RC3H2: variants seen among roughly 807,000 people sequenced by gnomAD.
RC3H2 encodes ring finger and CCCH-type domains 2, also known as roquin-2.
In RC3H2, 31 loss-of-function variants were observed where a neutral mutation model predicts 133.3. The ratio of observed to expected loss-of-function variants is 0.23; its 90% CI spans 0.17 to 0.31. The LOEUF is 0.31. RC3H2 is among the 10% of genes least tolerant of loss of function. The pLI, the probability that RC3H2 is intolerant of heterozygous loss-of-function variation, is 1.00. For synonymous variants in RC3H2, 517 were observed against 502.2 expected (o/e 1.03, Z -0.40); for missense variants, 1,175 against 1,437.2 (o/e 0.82, Z 2.95).
Position 122,880,037 on chromosome 9 carries a change from A to G in RC3H2, c.1049T>C (p.Leu350Pro), listed in dbSNP as rs536608406. Reference sequence around the variant, plus strand: ...TGCAAGAAGCTCTAAATGAGGCCTCAGTCTATTTAAGTTAGCTGGGTCACC... The same window carrying G: ...TGCAAGAAGCTCTAAATGAGGCCTCGGTCTATTTAAGTTAGCTGGGTCACC... The part of the protein sequence containing the change: ...RTGDPANLNR[L>P]RPHLELLANI... Residue 350 changes from leucine (L) to proline (P), a missense_variant, in exon 7 of 21, where the codon CTG (leucine) becomes CCG (proline). By Grantham distance (98) the Leu-to-Pro change is moderately conservative. This residue lies in a region of RC3H2 where 131 missense variants were observed against 154.2 expected (regional missense o/e 0.85). Transcript: ENST00000357244. The G allele has an allele frequency of 6.2e-7, 1 of 1,614,204 alleles. No individual in the cohort carries two copies. The highest frequency in any genetic ancestry group is 1.3e-5 in the African/African-American group (1 of 75,064).
chr9:122,887,737 G>C (rs1001119664), intron 4 of RC3H2, among the ~76,000 whole-genome samples: 1 of 136,976 alleles, frequency 7.3e-6, no homozygotes, highest in East Asian at 2.4e-4. Flanking sequence ...TTTTATACTT[G>C]TATCTTTTTT....
At chr9:122,875,109 T>G in intron 9 of RC3H2, 1 of 1,389,728 alleles carries the variant, frequency 7.2e-7, no homozygotes, top group Non-Finnish European at 9.4e-7. Flanking sequence ...TATCTTGATG[T>G]GAAATTCTGT....
intron 1 of RC3H2, among the ~76,000 whole-genome samples, chr9:122,903,850 G>A (rs1832744822): frequency 6.6e-6 from 1 of 152,168 alleles, no homozygotes; most frequent in South Asian, 2.1e-4. Flanking sequence ...ACGTAAGAAA[G>A]GCATGTGAAG....
chr9:122,905,321 T>G lies in RC3H2; in HGVS notation c.-279A>C. ...TCCTCCCTCCACCTCCGCCTCCTCC[T>G]CCTCCTCCTCCTCACCACGGAGGCG... On this transcript the variant is annotated 5_prime_UTR_variant, in exon 1 of 21. Coordinates refer to ENST00000357244, the MANE Select transcript of RC3H2 (RefSeq NM_001100588.3). 3 of 981,458 alleles carry G rather than the reference T, an allele frequency of 3.1e-6. No individual in the cohort carries two copies. The South Asian group carries it at 1.4e-4, about 46-fold the overall frequency. The allele number at this position is 981,458 out of a possible 1,614,324, so 60.8% of individuals were successfully genotyped here.
rs1018084206 is a variant in RC3H2 at position 122,883,415 on chromosome 9, T to C, written c.584-36A>G. ...TAAAGGAACATGAGTTCATGACAAATGAGGAACCCATCAGATCATGTGTGT... is the reference window on the plus strand; with the variant it reads ...TAAAGGAACATGAGTTCATGACAAACGAGGAACCCATCAGATCATGTGTGT... On this transcript the variant is annotated intron_variant, in intron 4 of 20. Transcript: ENST00000357244. 4 of 1,535,992 alleles carry C rather than the reference T, an allele frequency of 2.6e-6. No homozygotes were observed. In the African/African-American group the frequency reaches 4.2e-5, roughly 16 times the overall value.
At chr9:122,883,472 T>G (rs1831739885) in intron 4 of RC3H2, 93 bp from the exon 5 acceptor site, 5 of 881,252 alleles carry the variant, frequency 5.7e-6, no homozygotes, top group Admixed American at 2.9e-5. Context: ...GAGTTTATAG[T>G]GGCCCATTAC....
At position 122,897,164 on chromosome 9, in the gene RC3H2, G is replaced by A. The variant is rs566489465; in HGVS notation, c.231+115C>T. On this transcript the variant is annotated intron_variant, in intron 2 of 20. Coordinates refer to ENST00000357244, the MANE Select transcript of RC3H2 (RefSeq NM_001100588.3). ...GAAGTTTATGAATTTGTGTTGGGCC[G>A]CATTCAAAGATGTCCTGGGCCACAT... is the stretch of plus-strand genomic sequence containing the variant. 1.3e-4 allele frequency: 100 copies of A among 793,270 alleles called. 1 individual carries two copies. The South Asian group carries it at 1.5e-3, about 12-fold the overall frequency. The allele number at this position is 793,270 out of a possible 1,614,324, so 49.1% of individuals were successfully genotyped here.
rs924902901 is a variant in RC3H2, at chr9:122,858,003, G to T, written c.2374C>A (p.Leu792Ile). 21 of 1,614,024 alleles carry T rather than the reference G, an allele frequency of 1.3e-5. No individual in the cohort carries two copies. Among genetic ancestry groups the T allele is most frequent in the Non-Finnish European group, 1.8e-5 (21 of 1,179,956 alleles). ...WAQYHTQKAPLVSSTLPVATQ... is the reference protein window; with the variant it reads ...WAQYHTQKAPIVSSTLPVATQ... ...GCCACAGGAAGAGTTGAAGAGACAA[G>T]AGGTGCTTTCTGAGTGTGGTACTGT... is the stretch of plus-strand genomic sequence containing the variant. The change falls in exon 13 of 21, where the codon CTT becomes ATT. Residue 792 changes from leucine to isoleucine, a missense_variant. Transcript: ENST00000357244.
chr9:122,883,410 A>G, intron 4 of RC3H2, 31 bp from the exon 5 acceptor site: 1 of 1,550,922 alleles, frequency 6.4e-7, no homozygotes, highest in Non-Finnish European at 8.7e-7. Context: ...TGAGTTCATG[A>G]CAAATGAGGA....
intron 2 of RC3H2, among the ~76,000 whole-genome samples, chr9:122,896,822 A>G (rs1004123551): frequency 4.6e-5 from 7 of 152,018 alleles, no homozygotes; most frequent in African/African-American, 1.7e-4. Flanking sequence ...CAGGAGCTCC[A>G]GACCAGCCTG....
At chr9:122,879,905 G>T (rs374121874) in intron 7 of RC3H2, 32 bp from the exon 8 acceptor site, 12 of 1,611,306 alleles carry the variant, frequency 7.4e-6, no homozygotes, top group Admixed American at 5.0e-5. Flanking sequence ...ATGGGGGTTG[G>T]GGGGGAAGAA....
chr9:122,866,021 A>AG (rs1230550608), intron 9 of RC3H2, among the ~76,000 whole-genome samples: 1 of 152,232 alleles, frequency 6.6e-6, no homozygotes, highest in Non-Finnish European at 1.5e-5. Flanking sequence ...TTATGTAAAA[A>AG]TGACAGGAAC....
chr9:122,868,016 TG>T (rs1830805567), intron 9 of RC3H2, among the ~76,000 whole-genome samples: 1 of 102,674 alleles, frequency 9.7e-6, no homozygotes, highest in Admixed American at 9.2e-5. Context: ...CCACCCCTAC[TG>T]GGAAGTGAGA....
intron 13 of RC3H2, among the ~76,000 whole-genome samples, chr9:122,856,351 C>G (rs1304899293): frequency 1.3e-5 from 2 of 152,186 alleles, no homozygotes; most frequent in African/African-American, 4.8e-5. Flanking sequence ...TTCCCAGGCT[C>G]AGGTGATTTT....
intron 12 of RC3H2, 134 bp downstream of exon 12, chr9:122,858,535 T>C (rs908359646): frequency 3.1e-6 from 2 of 655,272 alleles, no homozygotes; most frequent in Middle Eastern, 3.9e-4. Context: ...ATGAAAGAAC[T>C]GAGGCATAGG....
chr9:122,875,453 T>C, intron 9 of RC3H2: 5 of 1,427,236 alleles, frequency 3.5e-6, no homozygotes, highest in Non-Finnish European at 4.6e-6. Context: ...TTTACAGCCA[T>C]GCCCAATTTA....
chr9:122,863,651 A>C (rs1830537761), intron 10 of RC3H2, among the ~76,000 whole-genome samples: 1 of 152,250 alleles, frequency 6.6e-6, no homozygotes, highest in Non-Finnish European at 1.5e-5. Context: ...AAACAGCTAC[A>C]AGATTGAGTG....
chr9:122,853,135 C>A (rs868683425), intron 18 of RC3H2, among the ~76,000 whole-genome samples: 5,379 of 151,402 alleles, frequency 0.036, 298 homozygotes, highest in African/African-American at 0.12. Context: ...AGTTAAATGG[C>A]TTAAGGGCGG....
intron 2 of RC3H2, among the ~76,000 whole-genome samples, chr9:122,894,524 A>G (rs1250713958): frequency 1.3e-5 from 2 of 152,172 alleles, no homozygotes; most frequent in African/African-American, 2.4e-5. Context: ...GGGGTTACAA[A>G]TTTAATTAGG....
Sources: gnomAD v4.1 joint callset for allele counts (sites outside exome capture counted in the v4.1 genomes callset) on GRCh38, gnomAD v4.1.1 for gene constraint, gnomAD v4.1.1 regional missense constraint, MANE v1.5 for transcripts, NCBI Gene and HGNC (gene_info 2026-07-23, HGNC 2026-07-21) for gene names.